EZR: variants seen among roughly 807,000 people sequenced by gnomAD.
EZR encodes cytovillin 2.
In EZR, 40 loss-of-function variants were observed where a neutral mutation model predicts 74.8. The ratio of observed to expected loss-of-function variants is 0.53; its 90% CI spans 0.42 to 0.70. The LOEUF is 0.70. Ranked by LOEUF, EZR falls within the 30% of genes least tolerant of loss-of-function variation. The probability of loss-of-function intolerance (pLI) is 0.00; values close to 1 mark genes in which losing one functional copy is unlikely to be tolerated. For missense variants in EZR, 678 were observed against 755.8 expected (o/e 0.90, Z 1.21); for synonymous variants, 341 against 283.3 (o/e 1.20, Z -2.05).
chr6:158,797,329 A>G (rs1160975582), intron 2 of EZR, among the ~76,000 whole-genome samples: 2 of 152,236 alleles, frequency 1.3e-5, no homozygotes, highest in Non-Finnish European at 2.9e-5. Context: ...GTACTCAAAA[A>G]TCAGGAAAAC....
intron 7 of EZR, among the ~76,000 whole-genome samples, chr6:158,782,356 T>C (rs1215020730): frequency 6.6e-6 from 1 of 152,120 alleles, no homozygotes; most frequent in Non-Finnish European, 1.5e-5. Flanking sequence ...ACCACTCCCT[T>C]TGAGAACTCC....
chr6:158,783,512 C>T lies in EZR; in HGVS notation c.698+8G>A. On this transcript the variant is annotated splice_region_variant and intron_variant, in intron 7 of 13. Coordinates refer to ENST00000367075, the MANE Select transcript of EZR (RefSeq NM_001111077.2). ...ACCTACTGAAGATAACTGTGAACTTCAACTCACTTATCATCTTTCTCATAA... is the reference window on the plus strand; with the variant it reads ...ACCTACTGAAGATAACTGTGAACTTTAACTCACTTATCATCTTTCTCATAA... The T allele has an allele frequency of 6.2e-7, 1 of 1,608,450 alleles. No individual in the cohort carries two copies. The highest frequency in any genetic ancestry group is 8.5e-7 in the Non-Finnish European group (1 of 1,176,328).
Position 158,770,913 on chromosome 6 carries a change from G to A in EZR, c.960-19C>T, listed in dbSNP as rs779824806. 1.4e-5 allele frequency: 23 copies of A among 1,614,132 alleles called. No individual in the cohort carries two copies. The highest frequency in any genetic ancestry group is 2.2e-5 in the East Asian group (1 of 44,888). On this transcript the variant is annotated intron_variant, in intron 9 of 13. Coordinates refer to ENST00000367075, the MANE Select transcript of EZR (RefSeq NM_001111077.2). ...CTGTTGCCTGGTGCAGGGAAAAAGA[G>A]GCACAGGGAGATTTAGACTCTGGCA...
At chr6:158,777,458 C>A (rs1172353744) in intron 7 of EZR, among the ~76,000 whole-genome samples, 2 of 152,242 alleles carry the variant, frequency 1.3e-5, no homozygotes, top group Admixed American at 1.3e-4. Context: ...GACTTCAAGA[C>A]CACATTGCTC....
At chr6:158,800,177 A>G (rs939013226) in intron 2 of EZR, among the ~76,000 whole-genome samples, 1 of 152,226 alleles carries the variant, frequency 6.6e-6, no homozygotes, top group Admixed American at 6.5e-5. Flanking sequence ...TCAAAACATT[A>G]TTAGAGAAGT....
chr6:158,770,945 TGA>T, intron 9 of EZR, 51 bp from the exon 10 acceptor site: 7 of 1,613,312 alleles, frequency 4.3e-6, no homozygotes, highest in Non-Finnish European at 5.9e-6. Flanking sequence ...GGCAGGAAAG[TGA>T]GGGGTCAACA....
At chr6:158,803,555 A>G (rs1278182216) in intron 2 of EZR, among the ~76,000 whole-genome samples, 4 of 1,710 alleles carry the variant, frequency 2.3e-3, no homozygotes, top group Non-Finnish European at 5.1e-3. Context: ...GTATATATAT[A>G]TATATATATA....
chr6:158,787,072 C>CGGGT (rs1282777339), intron 4 of EZR, 36 bp downstream of exon 4: 1 of 1,538,412 alleles, frequency 6.5e-7, no homozygotes, highest in Admixed American at 1.7e-5. Flanking sequence ...GACCAACACC[C>CGGGT]AATCCACAGC....
intron 7 of EZR, among the ~76,000 whole-genome samples, chr6:158,779,545 C>A (rs893838293): frequency 3.3e-5 from 5 of 152,084 alleles, no homozygotes; most frequent in African/African-American, 1.2e-4. Context: ...TTTTTAGAAT[C>A]TTTTTAAAGT....
At chr6:158,768,390 G>T (rs541527045) in intron 12 of EZR, among the ~76,000 whole-genome samples, 2 of 151,752 alleles carry the variant, frequency 1.3e-5, no homozygotes, top group Admixed American at 6.6e-5. Flanking sequence ...CTTTATAGCC[G>T]TTGTGAGAAC....
intron 2 of EZR, among the ~76,000 whole-genome samples, chr6:158,804,425 C>A (rs1777284640): frequency 6.6e-6 from 1 of 152,210 alleles, no homozygotes; most frequent in South Asian, 2.1e-4. Context: ...ATCTAATAAA[C>A]TCCTGAAGTC....
intron 8 of EZR, among the ~76,000 whole-genome samples, chr6:158,772,500 G>A (rs1008247225): frequency 2.0e-5 from 3 of 152,202 alleles, no homozygotes; most frequent in East Asian, 1.9e-4. Flanking sequence ...CACACACAGC[G>A]GTCACTCCAA....
At chr6:158,814,081 G>A (rs1777502494) in intron 2 of EZR, among the ~76,000 whole-genome samples, 1 of 152,082 alleles carries the variant, frequency 6.6e-6, no homozygotes, top group Admixed American at 6.6e-5. Flanking sequence ...CTCCCTAGAT[G>A]GGGCAGACCC....
At chr6:158,773,032 A>G (rs1018567039) in intron 8 of EZR, among the ~76,000 whole-genome samples, 1 of 151,942 alleles carries the variant, frequency 6.6e-6, no homozygotes, top group Non-Finnish European at 1.5e-5. Flanking sequence ...CCCAGGGAGG[A>G]GTCTGTGGAG....
intron 12 of EZR, among the ~76,000 whole-genome samples, chr6:158,768,223 C>T (rs1226166720): frequency 1.3e-5 from 2 of 151,866 alleles, no homozygotes; most frequent in African/African-American, 4.8e-5. Context: ...TTTGGCATTA[C>T]CCCCCTTTGC....
At chr6:158,814,728 A>G (rs1777518353) in intron 2 of EZR, among the ~76,000 whole-genome samples, 1 of 151,950 alleles carries the variant, frequency 6.6e-6, no homozygotes. Flanking sequence ...TTTTTAGTAG[A>G]GATGGGGTTT....
chr6:158,814,202 G>C (rs933503671), intron 2 of EZR, among the ~76,000 whole-genome samples: 2 of 152,164 alleles, frequency 1.3e-5, no homozygotes, highest in Admixed American at 6.5e-5. Context: ...CACATGAATA[G>C]AGTCCCTAAG....
chr6:158,787,383 A>G (rs1354298747), intron 3 of EZR, among the ~76,000 whole-genome samples, 180 bp from the exon 4 acceptor site: 1 of 152,206 alleles, frequency 6.6e-6, no homozygotes. Flanking sequence ...AACTGAGGCT[A>G]TTATCTCAAA....
chr6:158,818,097 C>A lies in EZR; in HGVS notation c.-4G>T, dbSNP rs1333312833. On this transcript the variant is annotated 5_prime_UTR_variant, in exon 2 of 14. Transcript: ENST00000367075. ...GGCAACTTACTGGTTTCGGCATTTT[C>A]GGTTTCTGGTGAGTATCCTCGATCC... 1 of 1,608,914 alleles carries A rather than the reference C, an allele frequency of 6.2e-7. No individual in the cohort carries two copies. The highest frequency in any genetic ancestry group is 8.5e-7 in the Non-Finnish European group (1 of 1,176,486).
Sources: gnomAD v4.1 joint callset for allele counts (sites outside exome capture counted in the v4.1 genomes callset) on GRCh38, gnomAD v4.1.1 for gene constraint, MANE v1.5 for transcripts, NCBI Gene and HGNC (gene_info 2026-07-23, HGNC 2026-07-21) for gene names.